ATR: variants seen among roughly 807,000 people sequenced by gnomAD.
The protein encoded by ATR is ATR checkpoint kinase.
In ATR, 142 loss-of-function variants were observed where a neutral mutation model predicts 305.3. The observed-to-expected ratio is 0.47, with a 90% CI of 0.41 to 0.53. The LOEUF (loss-of-function observed/expected upper bound fraction) is 0.53, where lower values mean the gene tolerates loss of function less well. ATR is among the 20% of genes least tolerant of loss of function. The pLI is 0.00. For synonymous variants in ATR, 1,050 were observed against 1,068.1 expected, an observed-to-expected ratio of 0.98 and a Z score of 0.33; for missense variants, 2,135 against 3,133.1, an observed-to-expected ratio of 0.68 and a Z score of 7.60.
intron 36 of ATR, among the ~76,000 whole-genome samples, chr3:142,482,980 CCTTTCTTTCTTTTTTTTTTTT>C (rs1227843732): frequency 2.0e-4 from 30 of 150,070 alleles, no homozygotes; most frequent in African/African-American, 6.7e-4. Context: ...ACATATGCCC[CCTTTCTTTCTTTTTTTTTTTT>C]CTTTCTTTCT....
intron 36 of ATR, among the ~76,000 whole-genome samples, chr3:142,478,235 A>C (rs1317958464): frequency 6.6e-6 from 1 of 152,102 alleles, no homozygotes; most frequent in Non-Finnish European, 1.5e-5. Context: ...TTAGTGCTAT[A>C]AATTTCCCTC....
intron 45 of ATR, 54 bp from the exon 46 acceptor site, chr3:142,453,287 T>C (rs765807032): frequency 1.4e-5 from 22 of 1,568,726 alleles, no homozygotes; most frequent in Non-Finnish European, 1.8e-5. Flanking sequence ...GAAGAAATCT[T>C]GCTGACATCA....
chr3:142,485,302 A>G lies in ATR; in HGVS notation c.6079-20T>C. On this transcript the variant is annotated intron_variant, in intron 35 of 46. Coordinates refer to ENST00000350721, the MANE Select transcript of ATR (RefSeq NM_001184.4). Reference sequence around the variant, plus strand: ...CACATCCTATAAAAAAGAACATAGGATACCTACCTAAGGAAATCCCACGCT... The same window carrying G: ...CACATCCTATAAAAAAGAACATAGGGTACCTACCTAAGGAAATCCCACGCT... 1 of 1,613,774 alleles carries G rather than the reference A, an allele frequency of 6.2e-7. No homozygotes were observed. Among genetic ancestry groups the G allele is most frequent in the Non-Finnish European group, 8.5e-7 (1 of 1,179,824 alleles).
At chr3:142,549,742 T>C (rs2108455380) in intron 14 of ATR, 69 bp from the exon 15 acceptor site, 3 of 1,434,494 alleles carry the variant, frequency 2.1e-6, no homozygotes, top group South Asian at 1.2e-5. Context: ...ACATAAGCTA[T>C]GTGCAAAAAT....
At chr3:142,473,547 CTTT>C (rs761452998) in intron 36 of ATR, among the ~76,000 whole-genome samples, 1 of 137,898 alleles carries the variant, frequency 7.3e-6, no homozygotes. Flanking sequence ...CAGCTTTATT[CTTT>C]TTTTTTTTTT....
rs2108424267 is a variant in ATR, at chr3:142,535,085, T to A, written c.3940A>T (p.Asn1314Tyr). 6.2e-7 allele frequency: 1 copy of A among 1,612,012 alleles called. No individual in the cohort carries two copies. Among genetic ancestry groups the A allele is most frequent in the Non-Finnish European group, 8.5e-7 (1 of 1,178,510 alleles). ...ATTATATCATATTAGCATACCTGAT[T>A]TTTATACAAGGTTTCCTTCAAGCTT... is the stretch of plus-strand genomic sequence containing the variant. The part of the protein sequence containing the change: ...LTSLKETLYK[N>Y]QEKLIKYATD... Residue 1314 changes from asparagine (N) to tyrosine (Y), a missense_variant, in exon 21 of 47, where the codon AAT becomes TAT. By Grantham distance (143) the Asn-to-Tyr change is moderately radical (BLOSUM62 -2). Transcript: ENST00000350721.
intron 34 of ATR, 48 bp from the exon 35 acceptor site, chr3:142,493,359 T>C: frequency 6.6e-7 from 1 of 1,521,978 alleles, no homozygotes; most frequent in Non-Finnish European, 8.9e-7. Flanking sequence ...AAAACATACT[T>C]CTATTTTCTG....
At chr3:142,491,708 C>CAGG (rs1372829362) in intron 35 of ATR, among the ~76,000 whole-genome samples, 1 of 152,194 alleles carries the variant, frequency 6.6e-6, no homozygotes, top group Non-Finnish European at 1.5e-5. Flanking sequence ...AACCAAGGAA[C>CAGG]AGGAGCTGGA....
chr3:142,515,655 T>C, intron 24 of ATR, 140 bp from the exon 25 acceptor site: 1 of 942,190 alleles, frequency 1.1e-6, no homozygotes, highest in Non-Finnish European at 1.6e-6. Flanking sequence ...CCAGTATCCT[T>C]CTTAGGGGTG....
chr3:142,451,034 G>T, intron 46 of ATR: 2 of 1,266,144 alleles, frequency 1.6e-6, no homozygotes, highest in South Asian at 2.9e-5. Context: ...AGACACCAGT[G>T]AATATGAATC....
chr3:142,529,891 CAG>C (rs1379228519), intron 21 of ATR, among the ~76,000 whole-genome samples: 1 of 152,006 alleles, frequency 6.6e-6, no homozygotes, highest in African/African-American at 2.4e-5. Flanking sequence ...GGATATGTCT[CAG>C]AGTTAATTAT....
rs2108479680 is a variant in ATR at position 142,559,302 on chromosome 3, C to A, written c.1681G>T (p.Ala561Ser). Reference sequence around the variant, plus strand: ...ATTTTCACCACCTTATCAATGGTTGCCTCCAGGTCCAGTTTCTGAACAGAT... The same window carrying A: ...ATTTTCACCACCTTATCAATGGTTGACTCCAGGTCCAGTTTCTGAACAGAT... Reference protein sequence around the residue: ...LESVQKLDLEATIDKVVKIYD... With the variant: ...LESVQKLDLESTIDKVVKIYD... Residue 561 changes from alanine (A) to serine (S), a missense_variant, in exon 7 of 47, where the codon GCA becomes TCA. Physicochemically the swap from Ala to Ser is moderately conservative, Grantham distance 99. Coordinates refer to ENST00000350721, the MANE Select transcript of ATR (RefSeq NM_001184.4). 6.2e-7 allele frequency: 1 copy of A among 1,614,024 alleles called. No homozygotes were observed. Among genetic ancestry groups the A allele is most frequent in the Non-Finnish European group, 8.5e-7 (1 of 1,179,966 alleles).
chr3:142,558,745 T>A lies in ATR; in HGVS notation c.1764A>T (p.Glu588Asp), dbSNP rs149482096. 1 of 1,610,656 alleles carries A rather than the reference T, an allele frequency of 6.2e-7. No individual in the cohort carries two copies. The highest frequency in any genetic ancestry group is 8.5e-7 in the Non-Finnish European group (1 of 1,177,604). The change falls in exon 8 of 47, where the codon GAA becomes GAT. Residue 588 changes from glutamate to aspartate, a missense_variant. Glu to Asp is a conservative substitution (Grantham distance 45). This residue lies in a region of ATR where 744 missense variants were observed against 873.2 expected (regional missense o/e 0.85). Coordinates refer to ENST00000350721, the MANE Select transcript of ATR (RefSeq NM_001184.4). ...VNSSFEDHIL[E>D]DLCGMLSLPW... ...GAAGTGAGAGCATACCACATAAATC[T>A]TCCAGGATATGATCTTCAAATGAAC...
chr3:142,498,479 TC>T (rs2031769717), intron 32 of ATR, 117 bp downstream of exon 32: 2 of 876,076 alleles, frequency 2.3e-6, no homozygotes, highest in Non-Finnish European at 3.7e-6. Context: ...GAAAGAGCTG[TC>T]TAGTGTAGCT....
At chr3:142,537,773 C>T (rs2108430761) in intron 19 of ATR, among the ~76,000 whole-genome samples, 1 of 152,164 alleles carries the variant, frequency 6.6e-6, no homozygotes, top group South Asian at 2.1e-4. Flanking sequence ...AAAAAGACAT[C>T]CCAGTCTAAA....
chr3:142,464,798 T>C (rs761384484), intron 41 of ATR, among the ~76,000 whole-genome samples: 44 of 152,196 alleles, frequency 2.9e-4, no homozygotes, highest in Non-Finnish European at 4.6e-4. Flanking sequence ...ATGGTGGTGA[T>C]GGTTGTACAA....
chr3:142,496,893 C>T (rs1002327499), intron 33 of ATR, 120 bp downstream of exon 33: 26 of 1,176,286 alleles, frequency 2.2e-5, no homozygotes. Context: ...TAGCCCTGAT[C>T]ATTAAAAATA....
At chr3:142,496,872 A>G in intron 33 of ATR, 141 bp downstream of exon 33, 1 of 985,598 alleles carries the variant, frequency 1.0e-6, no homozygotes, top group Middle Eastern at 3.3e-4. Context: ...GTTCCTTTCA[A>G]CCAGATAGTG....
At chr3:142,566,620 T>C (rs1380054939) in intron 2 of ATR, among the ~76,000 whole-genome samples, 3 of 128,584 alleles carry the variant, frequency 2.3e-5, no homozygotes, top group African/African-American at 9.0e-5. Context: ...AGACTCTGTC[T>C]CTTAAAATTA....
Sources: allele counts gnomAD v4.1 joint callset (sites outside exome capture counted in the v4.1 genomes callset), GRCh38; gene constraint gnomAD v4.1.1; regional missense constraint gnomAD v4.1.1; transcripts MANE v1.5; gene names NCBI Gene and HGNC (gene_info 2026-07-23, HGNC 2026-07-21).